Variants in ATG7 observed in about 807,000 individuals in gnomAD.
ATG7 encodes the protein autophagy related 7.
In ATG7, 70 loss-of-function variants were observed where a neutral mutation model predicts 82.4. The ratio of observed to expected loss-of-function variants is 0.85; its 90% CI spans 0.70 to 1.04. The LOEUF (loss-of-function observed/expected upper bound fraction) is 1.04. Ranked by LOEUF, ATG7 falls within the 50% of genes least tolerant of loss-of-function variation. ATG7 has a pLI of 0.00. For synonymous variants in ATG7, 287 were observed against 313.0 expected, an observed-to-expected ratio of 0.92 and a Z score of 0.88; for missense variants, 792 against 864.3, an observed-to-expected ratio of 0.92 and a Z score of 1.05.
intron 19 of ATG7, among the ~76,000 whole-genome samples, chr3:11,401,271 G>T (rs908159323): frequency 7.2e-5 from 11 of 152,200 alleles, no homozygotes; most frequent in African/African-American, 2.4e-4. Context: ...GACTTTTTTT[G>T]TAGAATGACT....
At chr3:11,542,496 G>A (rs939554194) in intron 20 of ATG7, among the ~76,000 whole-genome samples, 1 of 152,036 alleles carries the variant, frequency 6.6e-6, no homozygotes, top group Admixed American at 6.5e-5. Flanking sequence ...TTCCTGGGAG[G>A]GAAAAACAAA....
chr3:11,304,738 C>T (rs1042592777), intron 5 of ATG7: 10 of 152,168 alleles, frequency 6.6e-5, no homozygotes, highest in African/African-American at 2.4e-4. Context: ...AGTCTTCCGG[C>T]CTTTGTGAGA....
At chr3:11,310,635 T>G (rs1462448493) in intron 7 of ATG7, among the ~76,000 whole-genome samples, 1 of 141,476 alleles carries the variant, frequency 7.1e-6, no homozygotes, top group East Asian at 2.0e-4. Context: ...AATTCTGTAG[T>G]TTTTTTTTTT....
the ATG7 span, among the ~76,000 whole-genome samples, chr3:11,571,575 G>A: frequency 6.6e-6 from 1 of 152,146 alleles, no homozygotes; most frequent in East Asian, 2.0e-4. Context: ...AGCTACTCAG[G>A]AGGATGGCTG....
intron 3 of ATG7, among the ~76,000 whole-genome samples, chr3:11,284,335 C>T (rs959051574): frequency 6.6e-6 from 1 of 152,150 alleles, no homozygotes; most frequent in Non-Finnish European, 1.5e-5. Context: ...TATAAGCAGC[C>T]AAGCCAAAAT....
chr3:11,535,212 C>T (rs1374042048), intron 20 of ATG7, among the ~76,000 whole-genome samples: 2 of 152,220 alleles, frequency 1.3e-5, no homozygotes, highest in African/African-American at 2.4e-5. Context: ...AGTGCCCAGC[C>T]CTTTGCCCCC....
chr3:11,520,902 T>A (rs2092423997), intron 20 of ATG7, among the ~76,000 whole-genome samples: 2 of 152,176 alleles, frequency 1.3e-5, no homozygotes, highest in South Asian at 4.1e-4. Context: ...TTGTGAGTCT[T>A]CTCCATGGGG....
chr3:11,505,028 A>G (rs2091610498), intron 20 of ATG7, among the ~76,000 whole-genome samples: 1 of 152,224 alleles, frequency 6.6e-6, no homozygotes, highest in Non-Finnish European at 1.5e-5. Context: ...AGAGGTGACA[A>G]TATGAGCACG....
intron 4 of ATG7, 67 bp downstream of exon 4, chr3:11,298,922 A>G: frequency 6.5e-7 from 1 of 1,543,858 alleles, no homozygotes; most frequent in Non-Finnish European, 8.9e-7. Context: ...GTATAGTGTC[A>G]GCTTTCCTTT....
intron 20 of ATG7, among the ~76,000 whole-genome samples, chr3:11,453,106 A>G (rs911326732): frequency 7.9e-5 from 12 of 152,192 alleles, no homozygotes; most frequent in Admixed American, 7.2e-4. Context: ...TTAGAGAGGC[A>G]CACCCAAATT....
the ATG7 span, among the ~76,000 whole-genome samples, chr3:11,569,939 CTT>C: frequency 6.6e-6 from 1 of 152,216 alleles, no homozygotes; most frequent in South Asian, 2.1e-4. Flanking sequence ...AGAAAACAGA[CTT>C]AATGCCACTG....
chr3:11,295,967 G>A (rs1252773661), intron 3 of ATG7, among the ~76,000 whole-genome samples: 3 of 151,824 alleles, frequency 2.0e-5, no homozygotes, highest in East Asian at 1.9e-4. Context: ...TGGTAGAGAC[G>A]GGGTTTCACC....
At chr3:11,460,658 C>T (rs1320897249) in intron 20 of ATG7, among the ~76,000 whole-genome samples, 3 of 152,218 alleles carry the variant, frequency 2.0e-5, no homozygotes, top group South Asian at 2.1e-4. Flanking sequence ...GTACAAGACA[C>T]ACAATAGGAA....
At chr3:11,458,423 C>G (rs2085964721) in intron 20 of ATG7, among the ~76,000 whole-genome samples, 2 of 152,082 alleles carry the variant, frequency 1.3e-5, no homozygotes, top group Admixed American at 1.3e-4. Context: ...ACCACCACGC[C>G]CGGCTAATTT....
chr3:11,496,339 GA>G (rs1165100504), intron 20 of ATG7, among the ~76,000 whole-genome samples: 1 of 152,162 alleles, frequency 6.6e-6, no homozygotes, highest in East Asian at 1.9e-4. Flanking sequence ...GGGAGGTGGA[GA>G]TTGCTTGCAT....
At chr3:11,524,845 C>T (rs2124938778) in intron 20 of ATG7, among the ~76,000 whole-genome samples, 1 of 152,170 alleles carries the variant, frequency 6.6e-6, no homozygotes, top group East Asian at 1.9e-4. Context: ...GATAGCAGAT[C>T]CCCATTGTCC....
chr3:11,298,486 T>A (rs2594994), intron 3 of ATG7, among the ~76,000 whole-genome samples, 200 bp from the exon 4 acceptor site: 132,303 of 152,256 alleles, frequency 0.87, 57,769 homozygotes, highest in East Asian at 1. Context: ...ACCTAACTGT[T>A]TACCTCAAAA....
At chr3:11,479,137 T>C (rs1452757901) in intron 20 of ATG7, among the ~76,000 whole-genome samples, 1 of 152,202 alleles carries the variant, frequency 6.6e-6, no homozygotes, top group Non-Finnish European at 1.5e-5. Flanking sequence ...GCCAGTAGTT[T>C]AGTTCATATG....
intron 17 of ATG7, among the ~76,000 whole-genome samples, chr3:11,364,113 C>G (rs1323258936): frequency 6.6e-6 from 1 of 152,338 alleles, no homozygotes; most frequent in East Asian, 1.9e-4. Context: ...TTTGGTGCCA[C>G]AAGTATCACT....
Sources: allele counts gnomAD v4.1 joint callset (sites outside exome capture counted in the v4.1 genomes callset), GRCh38; gene constraint gnomAD v4.1.1; transcripts MANE v1.5; gene names NCBI Gene and HGNC (gene_info 2026-07-23, HGNC 2026-07-21).